The following GFRA2 variants were observed in gnomAD, a reference collection of about 807,000 sequenced individuals.
The protein encoded by GFRA2 is GDNF family receptor alpha-2.
Under a neutral mutation model 48.3 loss-of-function variants are expected in GFRA2, and 17 were observed. The observed-to-expected ratio is 0.35, with a 90% CI of 0.24 to 0.53. The LOEUF is 0.53. GFRA2 is among the 20% of genes least tolerant of loss of function. GFRA2 has a pLI of 0.93. For missense variants in GFRA2, 660 were observed against 637.3 expected (o/e 1.04, Z -0.38); for synonymous variants, 305 against 257.2 (o/e 1.19, Z -1.78).
chr8:21,706,483 G>A (rs1802755392), intron 4 of GFRA2: 1 of 457,088 alleles, frequency 2.2e-6, no homozygotes, highest in Non-Finnish European at 4.4e-6. Context: ...AGCAAAACAG[G>A]TGACTAGTCC....
At chr8:21,745,557 A>C (rs1804963847) in intron 4 of GFRA2, among the ~76,000 whole-genome samples, 1 of 152,302 alleles carries the variant, frequency 6.6e-6, no homozygotes, top group East Asian at 1.9e-4. Flanking sequence ...TCCCATTTTC[A>C]GAATGAAGAT....
intron 3 of GFRA2, among the ~76,000 whole-genome samples, chr8:21,755,317 T>G (rs1194312037): frequency 6.6e-6 from 1 of 151,138 alleles, no homozygotes; most frequent in African/African-American, 2.4e-5. Flanking sequence ...TGGGGAGGAG[T>G]AGCGGGTAGA....
chr8:21,713,090 G>A (rs1157212355), intron 4 of GFRA2, among the ~76,000 whole-genome samples: 2 of 150,858 alleles, frequency 1.3e-5, no homozygotes, highest in African/African-American at 2.4e-5. Flanking sequence ...GAGAGGCAGA[G>A]GGAGAGGGAG....
chr8:21,696,525 G>A (rs1047365454), intron 7 of GFRA2, among the ~76,000 whole-genome samples: 27 of 152,132 alleles, frequency 1.8e-4, no homozygotes, highest in Non-Finnish European at 2.5e-4. Context: ...ACTCTCAGGG[G>A]AGCCCCGGAC....
intron 2 of GFRA2, among the ~76,000 whole-genome samples, chr8:21,778,161 T>C (rs903508366): frequency 3.3e-5 from 5 of 152,154 alleles, no homozygotes; most frequent in African/African-American, 1.2e-4. Context: ...CAGCGATTCT[T>C]GCCCTCTCCG....
chr8:21,799,286 C>T (rs956910258), intron 2 of GFRA2, among the ~76,000 whole-genome samples: 9 of 151,362 alleles, frequency 5.9e-5, no homozygotes, highest in African/African-American at 2.2e-4. Context: ...GGCGCGATCG[C>T]GGCTCACTGT....
At chr8:21,733,546 C>G (rs886683944) in intron 4 of GFRA2, among the ~76,000 whole-genome samples, 11 of 152,290 alleles carry the variant, frequency 7.2e-5, no homozygotes, top group African/African-American at 2.6e-4. Flanking sequence ...AGAGAAAGCC[C>G]CAGCCCTTCC....
intron 4 of GFRA2, among the ~76,000 whole-genome samples, chr8:21,731,191 C>G (rs10283397): frequency 0.61 from 92,460 of 151,986 alleles, 29,792 homozygotes; most frequent in African/African-American, 0.84. Flanking sequence ...TTTAGCATGA[C>G]AGCCTCGTCT....
At chr8:21,758,987 C>T in intron 3 of GFRA2, among the ~76,000 whole-genome samples, 1 of 152,216 alleles carries the variant, frequency 6.6e-6, no homozygotes, top group East Asian at 1.9e-4. Flanking sequence ...TATTTTCATA[C>T]ACCAACTACA....
At chr8:21,778,723 T>C (rs1437905838) in intron 2 of GFRA2, among the ~76,000 whole-genome samples, 1 of 151,740 alleles carries the variant, frequency 6.6e-6, no homozygotes, top group Non-Finnish European at 1.5e-5. Context: ...AGACCCCACC[T>C]CCATAAAAAA....
At position 21,795,954 on chromosome 8, in the gene GFRA2, G is replaced by A. The variant is rs866105577; in HGVS notation, c.-35-7760C>T. On this transcript the variant is annotated intron_variant, in intron 2 of 10. Coordinates refer to the GFRA2 transcript ENST00000517328. ...TTTGTGTCATCCAAGACAGACCTGG[G>A]AAGGGCTGTTTCTCTGAATTCCTGT... 5.1e-3 allele frequency among the ~76,000 whole-genome samples: 771 copies of A among 152,318 alleles called. 6 individuals are homozygous for A. The highest frequency in any genetic ancestry group is 0.018 in the African/African-American group (748 of 41,564).
At chr8:21,723,579 G>A (rs1181829961) in intron 4 of GFRA2, among the ~76,000 whole-genome samples, 1 of 152,214 alleles carries the variant, frequency 6.6e-6, no homozygotes, top group African/African-American at 2.4e-5. Flanking sequence ...CAGGACCCCA[G>A]GACAGGGCAG....
chr8:21,717,287 C>T (rs995661206), intron 4 of GFRA2, among the ~76,000 whole-genome samples: 1 of 152,188 alleles, frequency 6.6e-6, no homozygotes, highest in African/African-American at 2.4e-5. Flanking sequence ...ATCAGACAGA[C>T]ATTAACACCA....
rs554371232 is a variant in GFRA2 at position 21,746,533 on chromosome 8, T to C, written c.794+4055A>G. Among the ~76,000 whole-genome samples the C allele has an allele frequency of 3.3e-5, 5 of 152,232 alleles. No individual in the cohort carries two copies. In the South Asian group the frequency reaches 8.3e-4, roughly 25 times the overall value. On this transcript the variant is annotated intron_variant, in intron 4 of 8. Transcript: ENST00000524240. The stretch of plus-strand genomic sequence containing the variant: ...ACTCAGGATCCCAGGCCTCCTAAAG[T>C]GAGCCATGTACCTAATTCAATAATC...
intron 4 of GFRA2, among the ~76,000 whole-genome samples, chr8:21,732,454 G>A (rs573485138): frequency 3.3e-5 from 5 of 152,218 alleles, no homozygotes; most frequent in Non-Finnish European, 7.3e-5. Context: ...AGTCTGCGGA[G>A]AGGGGAGGGG....
intron 8 of GFRA2, among the ~76,000 whole-genome samples, chr8:21,694,042 G>T (rs1212544321): frequency 8.4e-6 from 1 of 118,386 alleles, no homozygotes; most frequent in Admixed American, 8.8e-5. Context: ...ATATATATGA[G>T]ATATATATAT....
chr8:21,714,327 C>G (rs1357974242), intron 4 of GFRA2, among the ~76,000 whole-genome samples: 1 of 141,358 alleles, frequency 7.1e-6, no homozygotes, highest in Non-Finnish European at 1.5e-5. Flanking sequence ...TGGCTCACTG[C>G]AACCTCCACC....
intron 4 of GFRA2, among the ~76,000 whole-genome samples, chr8:21,716,501 A>G (rs992210281): frequency 1.3e-5 from 2 of 152,146 alleles, no homozygotes; most frequent in Non-Finnish European, 2.9e-5. Context: ...GTGTTGGAGT[A>G]GGCAGATGGC....
In GFRA2 at chr8:21,706,038, G is replaced by T. The variant is rs753879133; in HGVS notation, c.798C>A (p.Ser266=). 3 of 1,560,974 alleles carry T rather than the reference G, an allele frequency of 1.9e-6. No homozygotes were observed. Among genetic ancestry groups the T allele is most frequent in the Non-Finnish European group, 2.6e-6 (3 of 1,151,164 alleles). The change falls in exon 5 of 9, where the codon TCC becomes TCA. Residue 266 remains serine (S), a synonymous_variant. Coordinates refer to ENST00000524240, the MANE Select transcript of GFRA2 (RefSeq NM_001495.5). The part of the protein sequence containing the change: ...GVCRTDHLCR[S]RLADFHANCR... ...AATTGGCATGGAAGTCGGCCAGCCG[G>T]GACCTGGTGGTGGGTAGAAGACGCA... is the stretch of plus-strand genomic sequence containing the variant.
Sources: gnomAD v4.1 joint callset for allele counts (sites outside exome capture counted in the v4.1 genomes callset) on GRCh38, gnomAD v4.1.1 for gene constraint, MANE v1.5 for transcripts, NCBI Gene and HGNC (gene_info 2026-07-23, HGNC 2026-07-21) for gene names.